CDH20: variants seen among roughly 807,000 people sequenced by gnomAD.
CDH20 encodes cadherin-20.
In CDH20, 29 loss-of-function variants were observed where a neutral mutation model predicts 74.2. The observed-to-expected ratio is 0.39, with a 90% CI of 0.29 to 0.53. The LOEUF (loss-of-function observed/expected upper bound fraction) is 0.53. Ranked by LOEUF, CDH20 falls within the 20% of genes least tolerant of loss-of-function variation. The probability of loss-of-function intolerance (pLI) is 0.69; values close to 1 mark genes in which losing one functional copy is unlikely to be tolerated. For missense variants in CDH20, 988 were observed against 1,048.3 expected (o/e 0.94, Z 0.79); for synonymous variants, 469 against 405.4 (o/e 1.16, Z -1.88).
At chr18:61,375,208 G>A (rs910651324) in intron 1 of CDH20, among the ~76,000 whole-genome samples, 9 of 152,210 alleles carry the variant, frequency 5.9e-5, no homozygotes, top group East Asian at 1.9e-4. Context: ...CTGATATAGC[G>A]GTAGCAGATA....
At chr18:61,504,694 G>A (rs1401197364) in intron 5 of CDH20, among the ~76,000 whole-genome samples, 3 of 152,120 alleles carry the variant, frequency 2.0e-5, no homozygotes, top group South Asian at 2.1e-4. Context: ...GGGAAACGGG[G>A]CTTAAAAAAG....
At chr18:61,339,014 T>A in intron 1 of CDH20, among the ~76,000 whole-genome samples, 1 of 152,194 alleles carries the variant, frequency 6.6e-6, no homozygotes, top group Non-Finnish European at 1.5e-5. Flanking sequence ...AATCAAATAT[T>A]TAGTTAAATA....
At chr18:61,347,317 T>TACAC (rs1438418011) in intron 1 of CDH20, among the ~76,000 whole-genome samples, 1 of 69,666 alleles carries the variant, frequency 1.4e-5, no homozygotes, top group East Asian at 2.9e-4. Context: ...TATATATATA[T>TACAC]ATACACACAC....
intron 11 of CDH20, among the ~76,000 whole-genome samples, chr18:61,553,343 C>T (rs1031264219): frequency 7.9e-5 from 12 of 152,102 alleles, no homozygotes; most frequent in Admixed American, 1.3e-4. Flanking sequence ...AGATAAATAG[C>T]TCAATGGGAT....
chr18:61,464,986 G>C lies in CDH20; in HGVS notation c.-152-25416G>C, dbSNP rs181333496. On this transcript the variant is annotated intron_variant, in intron 1 of 11. Coordinates refer to ENST00000262717, the MANE Select transcript of CDH20 (RefSeq NM_031891.4). ...TCTGTCAATGTTTAACAATAATCTTGACTCATAACTTCAGGAAATGACACT... is the reference window on the plus strand; with the variant it reads ...TCTGTCAATGTTTAACAATAATCTTCACTCATAACTTCAGGAAATGACACT... Among the ~76,000 whole-genome samples the C allele has an allele frequency of 2.0e-5, 3 of 152,276 alleles. No individual in the cohort carries two copies. The East Asian group carries it at 5.8e-4, about 29-fold the overall frequency.
At chr18:61,352,088 A>G (rs569799967) in intron 1 of CDH20, among the ~76,000 whole-genome samples, 21 of 152,322 alleles carry the variant, frequency 1.4e-4, no homozygotes, top group African/African-American at 4.8e-4. Flanking sequence ...CTCTATTTAA[A>G]TGATAATCAC....
At chr18:61,455,645 A>G (rs1337539736) in intron 1 of CDH20, among the ~76,000 whole-genome samples, 1 of 152,016 alleles carries the variant, frequency 6.6e-6, no homozygotes, top group Non-Finnish European at 1.5e-5. Context: ...GGGTTTCTTC[A>G]ATATGGCTAT....
chr18:61,384,330 T>G (rs181220720), intron 1 of CDH20, among the ~76,000 whole-genome samples: 2 of 152,316 alleles, frequency 1.3e-5, no homozygotes, highest in African/African-American at 2.4e-5. Context: ...ATGGCCCCAG[T>G]TCAGGCTAAT....
intron 1 of CDH20, among the ~76,000 whole-genome samples, chr18:61,466,086 CTATA>C (rs35791225): frequency 2.8e-5 from 4 of 142,294 alleles, no homozygotes; most frequent in East Asian, 2.0e-4. Flanking sequence ...TCTCATTAAG[CTATA>C]TATATATATA....
At chr18:61,354,771 C>T (rs1414811451) in intron 1 of CDH20, among the ~76,000 whole-genome samples, 3 of 152,134 alleles carry the variant, frequency 2.0e-5, no homozygotes, top group Non-Finnish European at 2.9e-5. Context: ...ATTTCATCCG[C>T]TCAGCTTATC....
chr18:61,504,413 T>C (rs1331349720), intron 5 of CDH20, among the ~76,000 whole-genome samples: 1 of 152,204 alleles, frequency 6.6e-6, no homozygotes, highest in African/African-American at 2.4e-5. Context: ...GTTTTCACTC[T>C]GGATGACAGG....
chr18:61,436,488 C>A (rs1394413639), intron 1 of CDH20, among the ~76,000 whole-genome samples: 4 of 152,146 alleles, frequency 2.6e-5, no homozygotes, highest in African/African-American at 7.2e-5. Context: ...GTGTTCATTT[C>A]CTGATGACTA....
chr18:61,466,171 T>G (rs1487124208), intron 1 of CDH20, among the ~76,000 whole-genome samples: 50 of 151,848 alleles, frequency 3.3e-4, no homozygotes, highest in Admixed American at 3.3e-3. Context: ...CTTTTTACTG[T>G]GTGAATAGTA....
chr18:61,379,372 G>A (rs565021680), intron 1 of CDH20, among the ~76,000 whole-genome samples: 5 of 152,162 alleles, frequency 3.3e-5, no homozygotes, highest in East Asian at 1.9e-4. Flanking sequence ...AATATTAATC[G>A]CTTTATTGAG....
chr18:61,392,861 A>G (rs922486475), intron 1 of CDH20, among the ~76,000 whole-genome samples: 1 of 150,886 alleles, frequency 6.6e-6, no homozygotes, highest in African/African-American at 2.4e-5. Flanking sequence ...TTTTTTTCCT[A>G]GTATATTTGT....
intron 6 of CDH20, among the ~76,000 whole-genome samples, chr18:61,520,208 C>T (rs1236098664): frequency 6.8e-6 from 1 of 147,214 alleles, no homozygotes; most frequent in Non-Finnish European, 1.5e-5. Flanking sequence ...CCCAGCTACT[C>T]GGGAGGCTGA....
chr18:61,426,061 C>A (rs117502979), intron 1 of CDH20, among the ~76,000 whole-genome samples: 5,650 of 152,132 alleles, frequency 0.037, 154 homozygotes, highest in South Asian at 0.072. Flanking sequence ...TTGTATCCTG[C>A]AACTTTGTTG....
intron 1 of CDH20, among the ~76,000 whole-genome samples, chr18:61,405,870 T>C (rs1241212170): frequency 6.6e-6 from 1 of 152,200 alleles, no homozygotes; most frequent in Non-Finnish European, 1.5e-5. Context: ...TTCCTTCAAA[T>C]ATCAGCATAA....
At chr18:61,509,826 T>C (rs979798159) in intron 6 of CDH20, among the ~76,000 whole-genome samples, 1 of 151,966 alleles carries the variant, frequency 6.6e-6, no homozygotes, top group Non-Finnish European at 1.5e-5. Context: ...ATGGAGGTGA[T>C]AAGAAGTGGT....
Sources: gnomAD v4.1 joint callset for allele counts (sites outside exome capture counted in the v4.1 genomes callset) on GRCh38, gnomAD v4.1.1 for gene constraint, MANE v1.5 for transcripts, NCBI Gene and HGNC (gene_info 2026-07-23, HGNC 2026-07-21) for gene names.